CYRIB: variants seen among roughly 807,000 people sequenced by gnomAD.
CYRIB encodes the protein CYFIP-related Rac1 interactor B.
In CYRIB, 8 loss-of-function variants were observed where a neutral mutation model predicts 44.2. The ratio of observed to expected loss-of-function variants is 0.18; its 90% CI spans 0.11 to 0.33. The LOEUF (loss-of-function observed/expected upper bound fraction) is 0.33. Ranked by LOEUF, CYRIB falls within the 10% of genes least tolerant of loss-of-function variation. The pLI is 1.00. For synonymous variants in CYRIB, 131 were observed against 127.2 expected (o/e 1.03, Z -0.20); for missense variants, 185 against 382.8 (o/e 0.48, Z 4.31).
chr8:129,950,396 C>T (rs1426061829), intron 2 of CYRIB, among the ~76,000 whole-genome samples: 1 of 152,170 alleles, frequency 6.6e-6, no homozygotes, highest in East Asian at 1.9e-4. Context: ...ATGGCAAAAG[C>T]CCATCTCTAC....
intron 1 of CYRIB, among the ~76,000 whole-genome samples, chr8:129,991,971 A>AAAAAAAAAAAAAAAAAAGAGAGAG (rs994697259): frequency 7.4e-6 from 1 of 134,604 alleles, no homozygotes; most frequent in Non-Finnish European, 1.6e-5. Context: ...AAAAAAAAAA[A>AAAAAAAAAAAAAAAAAAGAGAGAG]ACAATAGGAA....
chr8:129,912,097 C>T (rs187883101), intron 1 of CYRIB, among the ~76,000 whole-genome samples: 2 of 152,246 alleles, frequency 1.3e-5, no homozygotes, highest in East Asian at 1.9e-4. Context: ...ATTTAATCTA[C>T]CCCACATGTT....
At chr8:129,994,397 G>T (rs1456380501) in intron 1 of CYRIB, among the ~76,000 whole-genome samples, 2 of 152,206 alleles carry the variant, frequency 1.3e-5, no homozygotes, top group African/African-American at 2.4e-5. Context: ...TGAGTCCCCA[G>T]TTTGTGAGAT....
intron 1 of CYRIB, among the ~76,000 whole-genome samples, chr8:129,906,260 A>C (rs1286553202): frequency 6.6e-6 from 1 of 152,212 alleles, no homozygotes; most frequent in Non-Finnish European, 1.5e-5. Flanking sequence ...AGAGATATAG[A>C]CCAATGGAAC....
intron 1 of CYRIB, among the ~76,000 whole-genome samples, chr8:130,010,810 G>C (rs2097197382): frequency 6.6e-6 from 1 of 152,120 alleles, no homozygotes; most frequent in South Asian, 2.1e-4. Context: ...GAAGGGGAGA[G>C]GGTCAGGTTG....
chr8:129,901,714 T>C (rs535491099), intron 2 of CYRIB: 24 of 152,338 alleles, frequency 1.6e-4, no homozygotes, highest in African/African-American at 5.5e-4. Context: ...TCAAGAATAT[T>C]AGTAACAAAC....
rs117155411 is a variant in CYRIB, at chr8:129,979,173, A to T, written c.-295-8178T>A. ...ATAAATAAATTAATTAATTAATTAA[A>T]TAAATAATATATCAATGTTTTACAA... is the stretch of plus-strand genomic sequence containing the variant. On this transcript the variant is annotated intron_variant, in intron 1 of 14. Coordinates refer to the CYRIB transcript ENST00000401979. Among the ~76,000 whole-genome samples the T allele has an allele frequency of 8.7e-3, 1,330 of 152,130 alleles. 3 individuals are homozygous for T. The highest frequency in any genetic ancestry group is 0.014 in the Non-Finnish European group (938 of 68,006).
intron 1 of CYRIB, among the ~76,000 whole-genome samples, chr8:129,918,000 G>C (rs999344662): frequency 1.1e-4 from 16 of 152,104 alleles, no homozygotes; most frequent in Non-Finnish European, 2.1e-4. Flanking sequence ...ATTGGAAAAA[G>C]AAAATCCACC....
chr8:130,001,589 C>G (rs144316600), intron 1 of CYRIB, among the ~76,000 whole-genome samples: 1 of 138,034 alleles, frequency 7.2e-6, no homozygotes, highest in African/African-American at 2.8e-5. Flanking sequence ...GGTGCAATGG[C>G]GCAATCTTGG....
intron 8 of CYRIB, 62 bp from the exon 11 acceptor site, chr8:129,850,976 T>C: frequency 1.5e-5 from 16 of 1,094,424 alleles, no homozygotes; most frequent in Non-Finnish European, 2.2e-5. Flanking sequence ...TTAAGCACAA[T>C]TTAAAATTTA....
Position 129,992,881 on chromosome 8 carries a change from C to T in CYRIB, c.-295-21886G>A, listed in dbSNP as rs574145090. Among the ~76,000 whole-genome samples the T allele has an allele frequency of 6.6e-4, 100 of 152,242 alleles. 1 individual carries two copies. Among genetic ancestry groups the T allele is most frequent in the Non-Finnish European group, 6.3e-4 (43 of 68,024 alleles). On this transcript the variant is annotated intron_variant, in intron 1 of 14. Transcript: ENST00000401979. ...GCTGGCGACAGCTGCTGTGACTAAG[C>T]GCAAATTTGGCTCCGAGCTTCCTGG...
chr8:129,870,765 T>A (rs1191715808), intron 4 of CYRIB, among the ~76,000 whole-genome samples: 1 of 152,126 alleles, frequency 6.6e-6, no homozygotes, highest in African/African-American at 2.4e-5. Context: ...TTCCTCTGTG[T>A]AGTTCTGGAC....
chr8:129,893,586 A>G lies in CYRIB; in HGVS notation c.-11+9726T>C, dbSNP rs537424799. On this transcript the variant is annotated intron_variant, in intron 2 of 11. Transcript: ENST00000519824. Reference sequence around the variant, plus strand: ...TGTCACCCAGATTAAAACTATAACAATTTAGCAATAGTTGCTTCAGATGGG... The same window carrying G: ...TGTCACCCAGATTAAAACTATAACAGTTTAGCAATAGTTGCTTCAGATGGG... Among the ~76,000 whole-genome samples the G allele has an allele frequency of 6.6e-5, 10 of 152,312 alleles. No homozygotes were observed. The East Asian group carries it at 1.7e-3, about 26-fold the overall frequency.
chr8:129,887,426 G>A (rs1336272548), intron 2 of CYRIB, among the ~76,000 whole-genome samples: 2 of 152,304 alleles, frequency 1.3e-5, no homozygotes, highest in East Asian at 3.9e-4. Context: ...ACACTGCAGG[G>A]GCAGAGCCCT....
At chr8:129,936,040 T>C (rs1180654531) in intron 1 of CYRIB, among the ~76,000 whole-genome samples, 2 of 152,242 alleles carry the variant, frequency 1.3e-5, no homozygotes, top group Non-Finnish European at 1.5e-5. Context: ...CAATCCTGTA[T>C]ATGCTTACAG....
chr8:129,928,443 T>G (rs1451423245), intron 1 of CYRIB, among the ~76,000 whole-genome samples: 2 of 151,346 alleles, frequency 1.3e-5, no homozygotes, highest in Non-Finnish European at 2.9e-5. Flanking sequence ...CTCTTACAAC[T>G]CTGTAAGAAG....
intron 10 of CYRIB, among the ~76,000 whole-genome samples, chr8:129,847,748 G>C (rs2040963656): frequency 6.6e-6 from 1 of 152,154 alleles, no homozygotes; most frequent in African/African-American, 2.4e-5. Flanking sequence ...GCATAATACA[G>C]CAGAAAGAAC....
chr8:129,891,303 A>G (rs1564711810), intron 2 of CYRIB, among the ~76,000 whole-genome samples: 2 of 152,224 alleles, frequency 1.3e-5, no homozygotes, highest in African/African-American at 4.8e-5. Context: ...AAATACATAT[A>G]TTAAAATCCC....
intron 11 of CYRIB, among the ~76,000 whole-genome samples, chr8:129,845,423 C>T (rs77210060): frequency 0.034 from 5,104 of 152,166 alleles, 290 homozygotes; most frequent in African/African-American, 0.12. Flanking sequence ...TTGGCAAAAC[C>T]ACTGAAGTAT....
Sources: gnomAD v4.1 joint callset for allele counts (sites outside exome capture counted in the v4.1 genomes callset) on GRCh38, gnomAD v4.1.1 for gene constraint, MANE v1.5 for transcripts, NCBI Gene and HGNC (gene_info 2026-07-23, HGNC 2026-07-21) for gene names.